UBN2: variants seen among roughly 807,000 people sequenced by gnomAD.
UBN2 encodes the protein ubinuclein-2.
UBN2 carries 35 observed loss-of-function variants against 120.2 expected under a neutral mutation model. The ratio of observed to expected loss-of-function variants is 0.29; its 90% CI spans 0.22 to 0.39. The LOEUF (loss-of-function observed/expected upper bound fraction) is 0.39. Among genes scored for constraint, UBN2 ranks in the 10% least tolerant of loss-of-function variants. The probability of loss-of-function intolerance (pLI) is 1.00; values close to 1 mark genes in which losing one functional copy is unlikely to be tolerated. For missense variants in UBN2, 1,693 were observed against 1,663.2 expected (o/e 1.02, Z -0.31); for synonymous variants, 661 against 648.7 (o/e 1.02, Z -0.29).
chr7:139,272,863 A>G (rs996175067), intron 9 of UBN2, among the ~76,000 whole-genome samples: 3 of 152,188 alleles, frequency 2.0e-5, no homozygotes, highest in Non-Finnish European at 4.4e-5. Context: ...TTCTGATGTT[A>G]AGTGGACCTC....
chr7:139,270,901 C>T (rs994103254), intron 8 of UBN2, among the ~76,000 whole-genome samples: 1 of 152,150 alleles, frequency 6.6e-6, no homozygotes, highest in African/African-American at 2.4e-5. Context: ...TGTGCCACCA[C>T]GCCCAGATAA....
downstream of UBN2, among the ~76,000 whole-genome samples, chr7:139,310,604 C>T (rs1007361148): frequency 6.6e-6 from 1 of 152,122 alleles, no homozygotes; most frequent in Admixed American, 6.5e-5. Flanking sequence ...AACCCCGTCT[C>T]TACCAAAAAT....
rs1040764712 is a variant in UBN2 at position 139,304,243 on chromosome 7, A to G, written c.*6407A>G. On this transcript the variant is annotated 3_prime_UTR_variant, in exon 18 of 18. Coordinates refer to ENST00000473989, the MANE Select transcript of UBN2 (RefSeq NM_173569.4). The stretch of plus-strand genomic sequence containing the variant: ...TAATTCATGCTTCTTCAACCCATGA[A>G]AGAGGTGGAGCCATCAGCTGCTCAG... 3 of 152,204 alleles carry G rather than the reference A, an allele frequency of 2.0e-5. No homozygotes were observed. Among genetic ancestry groups the G allele is most frequent in the African/African-American group, 7.2e-5 (3 of 41,434 alleles). 9.4% of individuals were successfully genotyped at this position (152,204 alleles called of 1,614,324 possible).
At chr7:139,273,617 C>G (rs1361498964) in intron 10 of UBN2, among the ~76,000 whole-genome samples, 1 of 152,142 alleles carries the variant, frequency 6.6e-6, no homozygotes, top group Non-Finnish European at 1.5e-5. Context: ...ATACTTTTTA[C>G]AAACTAATCT....
At chr7:139,280,910 T>C (rs944425911) in intron 13 of UBN2, among the ~76,000 whole-genome samples, 2 of 152,208 alleles carry the variant, frequency 1.3e-5, no homozygotes, top group African/African-American at 2.4e-5. Flanking sequence ...TCCCAAAGTG[T>C]TGGGATTACA....
chr7:139,258,034 A>G (rs1264886015), intron 3 of UBN2, among the ~76,000 whole-genome samples: 2 of 152,016 alleles, frequency 1.3e-5, no homozygotes, highest in African/African-American at 2.4e-5. Flanking sequence ...TCAGCCTCCC[A>G]ACTGGGATTA....
At chr7:139,268,979 G>A (rs1217470324) in intron 7 of UBN2, among the ~76,000 whole-genome samples, 1 of 152,150 alleles carries the variant, frequency 6.6e-6, no homozygotes, top group African/African-American at 2.4e-5. Flanking sequence ...GGCCAAGGCG[G>A]GTGGATCATC....
intron 6 of UBN2, among the ~76,000 whole-genome samples, chr7:139,265,955 A>G (rs1305047486): frequency 6.6e-6 from 1 of 152,188 alleles, no homozygotes; most frequent in Non-Finnish European, 1.5e-5. Flanking sequence ...GTTTGCTATA[A>G]TAGCTGCAGG....
At chr7:139,294,993 G>A (rs1428851319) in intron 17 of UBN2, among the ~76,000 whole-genome samples, 1 of 152,100 alleles carries the variant, frequency 6.6e-6, no homozygotes, top group East Asian at 1.9e-4. Flanking sequence ...TACCTCCATA[G>A]ACACTGATAT....
chr7:139,317,442 A>G, the UBN2 span, among the ~76,000 whole-genome samples: 15 of 152,082 alleles, frequency 9.9e-5, no homozygotes, highest in Non-Finnish European at 1.6e-4. Flanking sequence ...GCTCCCAACA[A>G]GAAACACACA....
rs1328708304 is a variant in UBN2 at position 139,297,743 on chromosome 7, T to C, written c.3995-44T>C. 2.5e-6 allele frequency: 4 copies of C among 1,587,588 alleles called. No individual in the cohort carries two copies. The African/African-American group carries it at 4.0e-5, about 16-fold the overall frequency. On this transcript the variant is annotated intron_variant, in intron 17 of 17. Transcript: ENST00000473989. ...TGCTTTGTTTTTGTTAGCTGGTTTT[T>C]GTAACATATGGACCCATACCAATTT...
At chr7:139,309,015 C>T (rs1370335800), downstream of UBN2, among the ~76,000 whole-genome samples, 2 of 152,170 alleles carry the variant, frequency 1.3e-5, no homozygotes, top group South Asian at 2.1e-4. Context: ...ACCAGTGAGC[C>T]GAGATTGCAC....
the UBN2 span, among the ~76,000 whole-genome samples, chr7:139,329,580 G>T: frequency 6.6e-6 from 1 of 152,094 alleles, no homozygotes; most frequent in African/African-American, 2.4e-5. Context: ...GAGGAGAGAA[G>T]GTTGTTCCAT....
intron 16 of UBN2, 197 bp downstream of exon 16, chr7:139,293,660 T>C: frequency 1.6e-6 from 1 of 643,102 alleles, no homozygotes; most frequent in African/African-American, 1.8e-5. Flanking sequence ...TTTTAAGCTA[T>C]CTATACCACA....
chr7:139,277,916 C>T (rs181730970), intron 12 of UBN2, among the ~76,000 whole-genome samples: 1 of 152,070 alleles, frequency 6.6e-6, no homozygotes, highest in African/African-American at 2.4e-5. Flanking sequence ...AGATTAACAA[C>T]AATAATAAAA....
chr7:139,310,727 C>T (rs980288475), downstream of UBN2, among the ~76,000 whole-genome samples: 4 of 152,154 alleles, frequency 2.6e-5, no homozygotes, highest in African/African-American at 4.8e-5. Flanking sequence ...GAGCCGAGAT[C>T]GTGCTACTGC....
intron 2 of UBN2, among the ~76,000 whole-genome samples, chr7:139,246,796 G>A (rs1796481320): frequency 6.6e-6 from 1 of 152,080 alleles, no homozygotes; most frequent in African/African-American, 2.4e-5. Context: ...CTTTTCTAGG[G>A]TTTCCTGTAA....
At chr7:139,279,158 C>G (rs1797530845) in intron 12 of UBN2, among the ~76,000 whole-genome samples, 160 bp from the exon 13 acceptor site, 1 of 152,144 alleles carries the variant, frequency 6.6e-6, no homozygotes, top group South Asian at 2.1e-4. Context: ...GAAAATGTTG[C>G]TACATACTTC....
Position 139,283,019 on chromosome 7 carries a change from A to T in UBN2, c.2119-5A>T. 1 of 1,568,692 alleles carries T rather than the reference A, an allele frequency of 6.4e-7. No homozygotes were observed. The highest frequency in any genetic ancestry group is 2.3e-5 in the East Asian group (1 of 44,382). On this transcript the variant is annotated splice_polypyrimidine_tract_variant and splice_region_variant and intron_variant, in intron 14 of 17. Transcript: ENST00000473989. ...TATTTTTTTCCATATGATGCTTTAC[A>T]TTAGGAGTGTAGTCCAAAAAAGGAC...
Sources: allele counts gnomAD v4.1 joint callset (sites outside exome capture counted in the v4.1 genomes callset), GRCh38; gene constraint gnomAD v4.1.1; transcripts MANE v1.5; gene names NCBI Gene and HGNC (gene_info 2026-07-23, HGNC 2026-07-21).